The following SAMSN1 variants were observed in gnomAD, a reference collection of about 807,000 sequenced individuals.
SAMSN1 encodes SAM domain, SH3 domain and nuclear localization signals 1.
SAMSN1 carries 31 observed loss-of-function variants against 42.0 expected under a neutral mutation model. That is an observed-to-expected ratio of 0.74 (90% confidence interval 0.55 to 1.00). The LOEUF (loss-of-function observed/expected upper bound fraction) is 1.00. Among genes scored for constraint, SAMSN1 ranks in the 50% least tolerant of loss-of-function variants. The pLI is 0.00. For missense variants in SAMSN1, 464 were observed against 439.4 expected (o/e 1.06, Z -0.50); for synonymous variants, 178 against 151.9 (o/e 1.17, Z -1.26).
At chr21:14,492,503 T>C (rs574905935) in intron 7 of SAMSN1, among the ~76,000 whole-genome samples, 1 of 152,318 alleles carries the variant, frequency 6.6e-6, no homozygotes, top group African/African-American at 2.4e-5. Flanking sequence ...AAGCATGTGG[T>C]AATAGAAGAT....
intron 7 of SAMSN1, chr21:14,495,558 T>C (rs1395986267): frequency 2.0e-5 from 3 of 152,164 alleles, no homozygotes; most frequent in Admixed American, 6.5e-5. Flanking sequence ...TTTTTTTCCA[T>C]TTTTCATCTC....
intron 2 of SAMSN1, among the ~76,000 whole-genome samples, chr21:14,569,777 A>G (rs958739389): frequency 6.6e-6 from 1 of 152,170 alleles, no homozygotes; most frequent in South Asian, 2.1e-4. Flanking sequence ...TTTGCAATAT[A>G]TTTATCACTA....
intron 2 of SAMSN1, among the ~76,000 whole-genome samples, chr21:14,636,239 C>T (rs421894): frequency 0.76 from 116,102 of 152,092 alleles, 44,918 homozygotes; most frequent in Middle Eastern, 0.89. Flanking sequence ...GATATCAGAA[C>T]ATATTTAGCA....
intron 3 of SAMSN1, chr21:14,613,049 T>C (rs1982749837): frequency 2.0e-6 from 1 of 489,890 alleles, no homozygotes; most frequent in Non-Finnish European, 3.7e-6. Flanking sequence ...CCTATGGTCT[T>C]GAATTTTCCT....
intron 1 of SAMSN1, among the ~76,000 whole-genome samples, chr21:14,536,593 C>T (rs1472995857): frequency 1.3e-5 from 2 of 152,148 alleles, no homozygotes; most frequent in African/African-American, 2.4e-5. Flanking sequence ...TGTATTAGTG[C>T]TTTGTTTGGA....
chr21:14,600,639 G>A (rs1337296206), intron 6 of SAMSN1, among the ~76,000 whole-genome samples: 6 of 152,014 alleles, frequency 3.9e-5, no homozygotes, highest in African/African-American at 1.5e-4. Context: ...TTCTTTCCAC[G>A]AAACGGGTCT....
upstream of SAMSN1, among the ~76,000 whole-genome samples, chr21:14,548,536 A>T (rs1004055920): frequency 2.0e-5 from 3 of 152,202 alleles, no homozygotes; most frequent in Non-Finnish European, 4.4e-5. Flanking sequence ...GCACTTCACC[A>T]TCTTTAACAT....
At chr21:14,509,868 G>A (rs1987600815) in intron 5 of SAMSN1, among the ~76,000 whole-genome samples, 2 of 152,178 alleles carry the variant, frequency 1.3e-5, no homozygotes, top group Admixed American at 1.3e-4. Flanking sequence ...GGCCAGGCGT[G>A]GTGGCTCACG....
chr21:14,636,683 T>C (rs1983475530), intron 2 of SAMSN1, among the ~76,000 whole-genome samples: 1 of 152,084 alleles, frequency 6.6e-6, no homozygotes, highest in Non-Finnish European at 1.5e-5. Flanking sequence ...ACCCTGTCTC[T>C]ATTAAAATAC....
chr21:14,584,603 T>C (rs922394526), upstream of SAMSN1, among the ~76,000 whole-genome samples: 1 of 152,188 alleles, frequency 6.6e-6, no homozygotes, highest in African/African-American at 2.4e-5. Context: ...TAGGAATTGA[T>C]AAAAATCATT....
At chr21:14,614,526 C>T (rs1568831185) in intron 3 of SAMSN1, among the ~76,000 whole-genome samples, 1 of 152,154 alleles carries the variant, frequency 6.6e-6, no homozygotes, top group Non-Finnish European at 1.5e-5. Context: ...GTGTTTCCCA[C>T]ATTCATATTC....
chr21:14,522,250 A>G (rs2123043812), intron 1 of SAMSN1, among the ~76,000 whole-genome samples: 1 of 152,346 alleles, frequency 6.6e-6, no homozygotes, highest in East Asian at 1.9e-4. Context: ...CAACAAAATA[A>G]ATGAATCCCT....
chr21:14,557,414 A>T (rs976189154), intron 2 of SAMSN1, among the ~76,000 whole-genome samples: 2 of 152,216 alleles, frequency 1.3e-5, no homozygotes, highest in African/African-American at 4.8e-5. Flanking sequence ...AAAGGTAGAA[A>T]GCCTGAGATT....
At chr21:14,616,016 C>T in exon 3 of SAMSN1, 1 of 580,084 alleles carries the variant, frequency 1.7e-6, no homozygotes, top group Non-Finnish European at 3.2e-6. Context: ...TTAGAAACTC[C>T]CTGTAAAATA....
chr21:14,583,267 C>A (rs1981813684), intron 1 of SAMSN1: 1 of 159,806 alleles, frequency 6.3e-6, no homozygotes, highest in Non-Finnish European at 1.4e-5. Context: ...TTACTTAAGG[C>A]ATGCTATTAT....
chr21:14,589,263 A>G (rs1461918827), intron 7 of SAMSN1, among the ~76,000 whole-genome samples: 1 of 152,178 alleles, frequency 6.6e-6, no homozygotes, highest in East Asian at 1.9e-4. Context: ...GAGAAAACTC[A>G]GAGAAGTTAA....
In SAMSN1 at chr21:14,543,779, C is replaced by A. The variant is rs561643055; in HGVS notation, c.57+2426G>T. ...ATAGGATTTACAATTTAAAAAAAAACCACAAAAACAAGAAAATTCCTTTCA... is the reference window on the plus strand; with the variant it reads ...ATAGGATTTACAATTTAAAAAAAAAACACAAAAACAAGAAAATTCCTTTCA... On this transcript the variant is annotated intron_variant, in intron 1 of 7. Coordinates refer to ENST00000400566, the MANE Select transcript of SAMSN1 (RefSeq NM_022136.5). 3.8e-4 allele frequency among the ~76,000 whole-genome samples: 58 copies of A among 151,980 alleles called. 1 individual carries two copies. The highest frequency in any genetic ancestry group is 7.7e-4 in the African/African-American group (32 of 41,470).
intron 5 of SAMSN1, among the ~76,000 whole-genome samples, chr21:14,608,991 T>C (rs371230201): frequency 1.2e-4 from 19 of 152,144 alleles, no homozygotes; most frequent in East Asian, 1.2e-3. Context: ...TAATATGTTA[T>C]TCTATACCTG....
chr21:14,656,924 T>A (rs549229242), intron 1 of SAMSN1, among the ~76,000 whole-genome samples: 101 of 151,996 alleles, frequency 6.6e-4, no homozygotes, highest in African/African-American at 1.9e-3. Flanking sequence ...TCATTTTTTT[T>A]AATTCAAGAA....
Sources: allele counts gnomAD v4.1 joint callset (sites outside exome capture counted in the v4.1 genomes callset), GRCh38; gene constraint gnomAD v4.1.1; transcripts MANE v1.5; gene names NCBI Gene and HGNC (gene_info 2026-07-23, HGNC 2026-07-21).